The following EFNA5 variants were observed in gnomAD, a reference collection of about 807,000 sequenced individuals.
EFNA5 encodes the protein ephrin-A5.
Under a neutral mutation model 22.9 loss-of-function variants are expected in EFNA5, and 5 were observed. The observed-to-expected ratio is 0.22, with a 90% CI of 0.11 to 0.46. The LOEUF (loss-of-function observed/expected upper bound fraction) is 0.46. Ranked by LOEUF, EFNA5 falls within the 20% of genes least tolerant of loss-of-function variation. The pLI is 0.99. For synonymous variants in EFNA5, 113 were observed against 112.2 expected, an observed-to-expected ratio of 1.01 and a Z score of -0.04; for missense variants, 237 against 293.3, an observed-to-expected ratio of 0.81 and a Z score of 1.40.
intron 1 of EFNA5, among the ~76,000 whole-genome samples, chr5:107,441,788 A>C (rs1749263295): frequency 6.6e-6 from 1 of 152,198 alleles, no homozygotes; most frequent in South Asian, 2.1e-4. Context: ...AAGTATATGG[A>C]AACAGGAAAT....
intron 1 of EFNA5, among the ~76,000 whole-genome samples, chr5:107,428,348 G>A (rs2112422219): frequency 6.6e-6 from 1 of 152,246 alleles, no homozygotes; most frequent in South Asian, 2.1e-4. Context: ...AAAGTAACAA[G>A]CCAAATGAAA....
intron 1 of EFNA5, among the ~76,000 whole-genome samples, chr5:107,558,584 G>A (rs1748472048): frequency 6.6e-6 from 1 of 152,022 alleles, no homozygotes; most frequent in Non-Finnish European, 1.5e-5. Context: ...GTTTAGATTT[G>A]AAGCCACTCA....
intron 1 of EFNA5, among the ~76,000 whole-genome samples, chr5:107,590,942 T>A (rs1749311172): frequency 6.6e-6 from 1 of 152,218 alleles, no homozygotes; most frequent in Non-Finnish European, 1.5e-5. Context: ...GCAAAAATTT[T>A]AACAGTTGTG....
intron 1 of EFNA5, among the ~76,000 whole-genome samples, chr5:107,609,715 T>C (rs1749790536): frequency 6.6e-6 from 1 of 152,044 alleles, no homozygotes; most frequent in African/African-American, 2.4e-5. Flanking sequence ...ACCTGCACCA[T>C]ACTAGCCATG....
At chr5:107,413,961 A>G (rs1748437334) in intron 2 of EFNA5, among the ~76,000 whole-genome samples, 1 of 152,154 alleles carries the variant, frequency 6.6e-6, no homozygotes, top group African/African-American at 2.4e-5. Context: ...AAAGACTGCC[A>G]TTTCTCAAGA....
At chr5:107,497,161 C>A (rs1181414396) in intron 1 of EFNA5, among the ~76,000 whole-genome samples, 1 of 152,176 alleles carries the variant, frequency 6.6e-6, no homozygotes, top group Non-Finnish European at 1.5e-5. Flanking sequence ...GCTTTGCTAT[C>A]TGTAGTAGTA....
At chr5:107,436,976 G>A (rs1048062634) in intron 1 of EFNA5, among the ~76,000 whole-genome samples, 2 of 152,176 alleles carry the variant, frequency 1.3e-5, no homozygotes, top group Admixed American at 1.3e-4. Flanking sequence ...AACTCAAGGA[G>A]AGATTTTTGG....
At chr5:107,524,384 A>G (rs1262737381) in intron 1 of EFNA5, among the ~76,000 whole-genome samples, 1 of 152,234 alleles carries the variant, frequency 6.6e-6, no homozygotes, top group African/African-American at 2.4e-5. Flanking sequence ...GCACAGGTTG[A>G]GTGAGTCACA....
intron 1 of EFNA5, among the ~76,000 whole-genome samples, chr5:107,542,787 T>G (rs1748074905): frequency 1.3e-5 from 2 of 152,134 alleles, no homozygotes; most frequent in African/African-American, 2.4e-5. Flanking sequence ...AAGGTGCTTC[T>G]AATCTTGTTT....
chr5:107,451,570 A>G (rs1749561539), intron 1 of EFNA5, among the ~76,000 whole-genome samples: 1 of 152,222 alleles, frequency 6.6e-6, no homozygotes, highest in Admixed American at 6.5e-5. Flanking sequence ...ATAGACAGAT[A>G]ATCTATAAAG....
chr5:107,647,896 G>T (rs897615044), intron 1 of EFNA5, among the ~76,000 whole-genome samples: 6 of 152,164 alleles, frequency 3.9e-5, no homozygotes. Flanking sequence ...AACAGACCCT[G>T]AGTGGGCCAG....
chr5:107,527,324 T>C (rs1430350795), intron 1 of EFNA5, among the ~76,000 whole-genome samples: 1 of 151,316 alleles, frequency 6.6e-6, no homozygotes, highest in Non-Finnish European at 1.5e-5. Context: ...TCGGGCACTG[T>C]TGCCCGAGCT....
At chr5:107,445,154 C>A (rs539946712) in intron 1 of EFNA5, among the ~76,000 whole-genome samples, 1 of 152,014 alleles carries the variant, frequency 6.6e-6, no homozygotes, top group African/African-American at 2.4e-5. Context: ...TCCCGAGTAG[C>A]TTGGATTACA....
At chr5:107,531,004 T>C (rs1747799558) in intron 1 of EFNA5, among the ~76,000 whole-genome samples, 1 of 152,220 alleles carries the variant, frequency 6.6e-6, no homozygotes, top group African/African-American at 2.4e-5. Context: ...ATTTTTTGAA[T>C]TAAATTTGCA....
chr5:107,413,457 G>A (rs544017680), intron 2 of EFNA5, among the ~76,000 whole-genome samples: 9 of 152,192 alleles, frequency 5.9e-5, no homozygotes, highest in African/African-American at 1.9e-4. Context: ...ACAGACAATG[G>A]GCACTGACTT....
chr5:107,478,249 G>A (rs1414157091), intron 1 of EFNA5, among the ~76,000 whole-genome samples: 2 of 152,100 alleles, frequency 1.3e-5, no homozygotes, highest in Admixed American at 6.5e-5. Flanking sequence ...GAGGAGGCAG[G>A]CAAGAGATCC....
chr5:107,495,429 C>T (rs1176766651), intron 1 of EFNA5, among the ~76,000 whole-genome samples: 1 of 152,240 alleles, frequency 6.6e-6, no homozygotes, highest in Non-Finnish European at 1.5e-5. Flanking sequence ...TCCAGACGCG[C>T]CACCTTAAGA....
chr5:107,541,199 AT>A (rs1748040084), intron 1 of EFNA5, among the ~76,000 whole-genome samples: 1 of 152,186 alleles, frequency 6.6e-6, no homozygotes, highest in Non-Finnish European at 1.5e-5. Flanking sequence ...AGTGATGAAA[AT>A]TAATTATTAA....
rs1233592824 is a variant in EFNA5 at position 107,476,760 on chromosome 5, T to TCTCTCTCA, written c.126-49252_126-49251insTGAGAGAG. Among the ~76,000 whole-genome samples the TCTCTCTCA allele has an allele frequency of 1.0e-4, 15 of 150,408 alleles. No individual in the cohort carries two copies. In the South Asian group the frequency reaches 2.7e-3, roughly 27 times the overall value. The stretch of plus-strand genomic sequence containing the variant: ...TTCTCTCTCTCTCTCTCTCTCTCTC[T>TCTCTCTCA]CACAGGAACATCCAAACTGTGTTGT... On this transcript the variant is annotated intron_variant, in intron 1 of 4. Transcript: ENST00000333274.
Sources: gnomAD v4.1 joint callset for allele counts (sites outside exome capture counted in the v4.1 genomes callset) on GRCh38, gnomAD v4.1.1 for gene constraint, MANE v1.5 for transcripts, NCBI Gene and HGNC (gene_info 2026-07-23, HGNC 2026-07-21) for gene names.